Variants in FSCN2 observed in about 807,000 individuals in gnomAD.
The protein encoded by FSCN2 is fascin-2.
Under a neutral mutation model 37.8 loss-of-function variants are expected in FSCN2, and 46 were observed. That is an observed-to-expected ratio of 1.22 (90% CI 0.96 to 1.56). The LOEUF (loss-of-function observed/expected upper bound fraction) is 1.56. Ranked by LOEUF, FSCN2 falls within the 40% of genes most tolerant of loss-of-function variation. The pLI, the probability that FSCN2 is intolerant of heterozygous loss-of-function variation, is 0.00. For missense variants in FSCN2, 844 were observed against 730.4 expected (o/e 1.16, Z -1.79); for synonymous variants, 351 against 309.4 (o/e 1.13, Z -1.41).
At chr17:81,532,395 GTGA>G (rs1262250825) in intron 1 of FSCN2, among the ~76,000 whole-genome samples, 6 of 134,042 alleles carry the variant, frequency 4.5e-5, no homozygotes, top group South Asian at 5.3e-4. Context: ...GGCGATGATG[GTGA>G]TGATAGTGAT....
At chr17:81,515,351 G>C in the FSCN2 span, among the ~76,000 whole-genome samples, 1 of 152,186 alleles carries the variant, frequency 6.6e-6, no homozygotes, top group African/African-American at 2.4e-5. Context: ...ATGGAGCTGG[G>C]GGTAGCTGGG....
In FSCN2 at chr17:81,531,852, ATGG is replaced by A. The variant is rs796601510; in HGVS notation, c.826+2501_826+2503del. Among the ~76,000 whole-genome samples, 172 of 96,912 alleles carry A rather than the reference ATGG, an allele frequency of 1.8e-3. 11 individuals are homozygous for A. Among genetic ancestry groups the A allele is most frequent in the African/African-American group, 7.4e-3 (128 of 17,238 alleles). The allele number at this position is 96,912 out of a possible 152,430, so 63.6% of individuals were successfully genotyped here. ...GGTGGTGGTGATGGTGGTGATGGTG[ATGG>A]TGGTGATGGCGATGATGGTGATGAT... On this transcript the variant is annotated intron_variant, in intron 1 of 4. Coordinates refer to ENST00000417245, the MANE Select transcript of FSCN2 (RefSeq NM_012418.4).
Position 81,529,136 on chromosome 17 carries a change from G to T in FSCN2, c.605G>T (p.Trp202Leu). ...CTGCGCAGCGACGGCCGTCTGGTCT[G>T]GGAGCCTGAGCCCCGTGCCTGCTAC... ...RYLRSDGRLV[W>L]EPEPRACYTL... The change falls in exon 1 of 5, where the codon TGG becomes TTG. Residue 202 changes from tryptophan to leucine, a missense_variant. Coordinates refer to ENST00000417245, the MANE Select transcript of FSCN2 (RefSeq NM_012418.4). 1 of 1,584,148 alleles carries T rather than the reference G, an allele frequency of 6.3e-7. No individual in the cohort carries two copies. Among genetic ancestry groups the T allele is most frequent in the East Asian group, 2.3e-5 (1 of 43,150 alleles).
In FSCN2 at chr17:81,536,580, A is replaced by G. The variant is rs2032884912; in HGVS notation, c.1106-42A>G. The G allele has an allele frequency of 1.1e-5, 17 of 1,603,188 alleles. No individual in the cohort carries two copies. Among genetic ancestry groups the G allele is most frequent in the Non-Finnish European group, 1.4e-5 (17 of 1,179,154 alleles). On this transcript the variant is annotated intron_variant, in intron 3 of 4. Transcript: ENST00000417245. Reference sequence around the variant, plus strand: ...CCACCCCGCCCGGCCTGGACAGGGAAGGTGGCGGGAGGGGCAGCGCAGCAG... The same window carrying G: ...CCACCCCGCCCGGCCTGGACAGGGAGGGTGGCGGGAGGGGCAGCGCAGCAG...
Position 81,531,993 on chromosome 17 carries a change from ATGG to A in FSCN2, c.826+2645_826+2647del, listed in dbSNP as rs528338870. On this transcript the variant is annotated intron_variant, in intron 1 of 4. Coordinates refer to ENST00000417245, the MANE Select transcript of FSCN2 (RefSeq NM_012418.4). The stretch of plus-strand genomic sequence containing the variant: ...GATGATAATGGTGATGATGATGGTG[ATGG>A]TGGTGGTGATGGTAGTGGTGGTGAT... 1.8e-3 allele frequency among the ~76,000 whole-genome samples: 229 copies of A among 124,812 alleles called. 1 individual carries two copies. Among genetic ancestry groups the A allele is most frequent in the African/African-American group, 6.5e-3 (206 of 31,788 alleles). 81.9% of individuals were successfully genotyped at this position (124,812 alleles called of 152,430 possible).
chr17:81,536,899 C>T lies in FSCN2; in HGVS notation c.1298C>T (p.Thr433Met), dbSNP rs186619653. Residue 433 changes from threonine (T) to methionine (M), a missense_variant, in exon 5 of 5, where the codon ACG becomes ATG. By Grantham distance (81) the Thr-to-Met change is moderately conservative (BLOSUM62 -1). Coordinates refer to ENST00000417245, the MANE Select transcript of FSCN2 (RefSeq NM_012418.4). ...IRGRDGGFWY[T>M]GSHGSVCSDG... ...GGCCGCGACGGAGGGTTCTGGTACA[C>T]GGGCAGCCACGGCAGCGTGTGCAGC... The T allele has an allele frequency of 6.2e-5, 98 of 1,576,020 alleles. No homozygotes were observed. The highest frequency in any genetic ancestry group is 1.7e-4 in the Middle Eastern group (1 of 5,968).
At chr17:81,518,907 G>A in the FSCN2 span, 2 of 152,284 alleles carry the variant, frequency 1.3e-5, no homozygotes, top group Non-Finnish European at 2.9e-5. Context: ...CCTCTTGTCT[G>A]CGGAGAATGG....
the FSCN2 span, among the ~76,000 whole-genome samples, chr17:81,517,081 G>T: frequency 6.6e-6 from 1 of 151,994 alleles, no homozygotes; most frequent in Non-Finnish European, 1.5e-5. Flanking sequence ...GGGCGGTGTG[G>T]GCACTCTACA....
chr17:81,516,612 T>A, the FSCN2 span, among the ~76,000 whole-genome samples: 1 of 152,122 alleles, frequency 6.6e-6, no homozygotes, highest in Non-Finnish European at 1.5e-5. Context: ...GCTGGTTTCC[T>A]GCAACTCGGC....
chr17:81,524,080 C>T (rs550232934), upstream of FSCN2, among the ~76,000 whole-genome samples: 2 of 152,134 alleles, frequency 1.3e-5, no homozygotes, highest in African/African-American at 4.8e-5. Flanking sequence ...CCTGGAGCAC[C>T]AGGACAGCCC....
rs889891940 is a variant in FSCN2 at position 81,533,243 on chromosome 17, C to T, written c.827-1809C>T. On this transcript the variant is annotated intron_variant, in intron 1 of 4. Coordinates refer to ENST00000417245, the MANE Select transcript of FSCN2 (RefSeq NM_012418.4). ...CAGGCTTGCATGTATCCCCCCCCAT[C>T]GGCCAGAGCCTGCTCATTTCTGCCA... Among the ~76,000 whole-genome samples, 119 of 152,324 alleles carry T rather than the reference C, an allele frequency of 7.8e-4. 1 individual carries two copies. Among genetic ancestry groups the T allele is most frequent in the Admixed American group, 7.7e-3 (118 of 15,304 alleles).
At chr17:81,531,788 G>A (rs1033425718) in intron 1 of FSCN2, among the ~76,000 whole-genome samples, 3 of 99,264 alleles carry the variant, frequency 3.0e-5, no homozygotes, top group East Asian at 2.1e-3. Flanking sequence ...TGGTGATGAT[G>A]GTGATGATGA....
chr17:81,533,903 C>T (rs2143890353), intron 1 of FSCN2, among the ~76,000 whole-genome samples: 1 of 152,256 alleles, frequency 6.6e-6, no homozygotes, highest in South Asian at 2.1e-4. Flanking sequence ...TCCTTCAGTG[C>T]CCGCAGGGAC....
chr17:81,531,780 GTGATGATGGTGA>G (rs1156493623), intron 1 of FSCN2, among the ~76,000 whole-genome samples: 78 of 126,062 alleles, frequency 6.2e-4, no homozygotes, highest in African/African-American at 2.4e-3. Context: ...GATAGTGATG[GTGATGATGGTGA>G]TGATGATAAT....
rs1568077070 is a variant in FSCN2 at position 81,531,303 on chromosome 17, ATGGTGG to A, written c.826+1955_826+1960del. On this transcript the variant is annotated intron_variant, in intron 1 of 4. Coordinates refer to ENST00000417245, the MANE Select transcript of FSCN2 (RefSeq NM_012418.4). ...GGTGATGGTGATGGTGGTGATGGTG[ATGGTGG>A]TGGTGGTGATGATGGTGGTGGTGGT... 1.1e-3 allele frequency among the ~76,000 whole-genome samples: 41 copies of A among 37,316 alleles called. 4 individuals are homozygous for A. The highest frequency in any genetic ancestry group is 5.9e-3 in the African/African-American group (39 of 6,640). 24.5% of individuals were successfully genotyped at this position (37,316 alleles called of 152,430 possible). A position where few individuals can be genotyped will look rare whatever the true frequency, so the allele number is the denominator to read the frequency against.
At chr17:81,530,621 T>G (rs2032519100) in intron 1 of FSCN2, 1 of 515,112 alleles carries the variant, frequency 1.9e-6, no homozygotes, top group African/African-American at 1.9e-5. Context: ...AGAGCTCCCC[T>G]GTCTCCTGGC....
Position 81,536,316 on chromosome 17 carries a change from G to C in FSCN2, c.1105+49G>C, listed in dbSNP as rs770857262. On this transcript the variant is annotated intron_variant, in intron 3 of 4. Coordinates refer to ENST00000417245, the MANE Select transcript of FSCN2 (RefSeq NM_012418.4). Reference sequence around the variant, plus strand: ...CTGGGGCAGGGGCTGTCTCCACCCAGGGAAAGGACCTGCCCAGACACCCCA... The same window carrying C: ...CTGGGGCAGGGGCTGTCTCCACCCACGGAAAGGACCTGCCCAGACACCCCA... 3.8e-6 allele frequency: 6 copies of C among 1,564,606 alleles called. No homozygotes were observed. The South Asian group carries it at 4.7e-5, about 12-fold the overall frequency.
At position 81,532,122 on chromosome 17, in the gene FSCN2, GTGA is replaced by G. The variant is rs2032674898; in HGVS notation, c.826+2770_826+2772del. On this transcript the variant is annotated intron_variant, in intron 1 of 4. Coordinates refer to ENST00000417245, the MANE Select transcript of FSCN2 (RefSeq NM_012418.4). Reference sequence around the variant, plus strand: ...GGTGATGATAGTGATGGCGATGATGGTGATGATAGTGATGGTGATGATGGTGAT... The same window carrying G: ...GGTGATGATAGTGATGGCGATGATGGTGATAGTGATGGTGATGATGGTGAT... Among the ~76,000 whole-genome samples the G allele has an allele frequency of 7.2e-5, 8 of 111,060 alleles. No individual in the cohort carries two copies. The South Asian group carries it at 9.7e-4, about 14-fold the overall frequency. The allele number at this position is 111,060 out of a possible 152,430, so 72.9% of individuals were successfully genotyped here.
At chr17:81,521,008 A>T in the FSCN2 span, among the ~76,000 whole-genome samples, 1 of 152,058 alleles carries the variant, frequency 6.6e-6, no homozygotes, top group East Asian at 1.9e-4. Flanking sequence ...CTTGACTTCT[A>T]ACCCTTCAGC....
Sources: gnomAD v4.1 joint callset for allele counts (sites outside exome capture counted in the v4.1 genomes callset) on GRCh38, gnomAD v4.1.1 for gene constraint, MANE v1.5 for transcripts, NCBI Gene and HGNC (gene_info 2026-07-23, HGNC 2026-07-21) for gene names.